ATP1A1: variants seen among roughly 807,000 people sequenced by gnomAD.
ATP1A1 encodes sodium/potassium-transporting ATPase subunit alpha-1.
In ATP1A1, 14 loss-of-function variants were observed where a neutral mutation model predicts 114.8. That is an observed-to-expected ratio of 0.12 (90% CI 0.08 to 0.19). The LOEUF is 0.19. Among genes scored for constraint, ATP1A1 ranks in the 10% least tolerant of loss-of-function variants. ATP1A1 has a pLI of 1.00. For missense variants in ATP1A1, 524 were observed against 1,290.7 expected, an observed-to-expected ratio of 0.41 and a Z score of 9.10; for synonymous variants, 471 against 466.3, an observed-to-expected ratio of 1.01 and a Z score of -0.13.
chr1:116,375,627 A>T (rs1237474671), intron 1 of ATP1A1, among the ~76,000 whole-genome samples: 1 of 152,200 alleles, frequency 6.6e-6, no homozygotes, highest in Non-Finnish European at 1.5e-5. Flanking sequence ...CATTTTGAGT[A>T]TTCTGATACA....
At position 116,404,604 on chromosome 1, in the gene ATP1A1, T is replaced by G; in HGVS notation, c.*160T>G. On this transcript the variant is annotated 3_prime_UTR_variant, in exon 23 of 23. Coordinates refer to ENST00000295598, the MANE Select transcript of ATP1A1 (RefSeq NM_000701.8). The surrounding 1 kb of genome is among the most constrained non-coding windows in gnomAD (Gnocchi z 4.8). ...GACGTCCTGGAATGAAGCATGTAGCTCTATGGGGGGAGGGGGGAGGGCTGC... is the reference window on the plus strand; with the variant it reads ...GACGTCCTGGAATGAAGCATGTAGCGCTATGGGGGGAGGGGGGAGGGCTGC... 2 of 1,081,796 alleles carry G rather than the reference T, an allele frequency of 1.8e-6. No individual in the cohort carries two copies. The highest frequency in any genetic ancestry group is 1.2e-6 in the Non-Finnish European group (1 of 830,090). The allele number at this position is 1,081,796 out of a possible 1,614,324, so 67.0% of individuals were successfully genotyped here. A position where few individuals can be genotyped will look rare whatever the true frequency, so the allele number is the denominator to read the frequency against.
intron 10 of ATP1A1, 53 bp downstream of exon 10, chr1:116,390,944 C>A: frequency 6.7e-7 from 1 of 1,483,538 alleles, no homozygotes; most frequent in Non-Finnish European, 9.4e-7. Context: ...TGAGAACTGC[C>A]ATTTGAGTGT....
In ATP1A1 at chr1:116,397,505, A is replaced by G. The variant is rs1010964002; in HGVS notation, c.1974-383A>G. Among the ~76,000 whole-genome samples, 1 of 151,810 alleles carries G rather than the reference A, an allele frequency of 6.6e-6. No individual in the cohort carries two copies. The highest frequency in any genetic ancestry group is 6.6e-5 in the Admixed American group (1 of 15,250). On this transcript the variant is annotated intron_variant, in intron 14 of 22. Transcript: ENST00000295598. The surrounding 1 kb of genome is among the most constrained non-coding windows in gnomAD (Gnocchi z 4.2). ...CGGCTAATTTTTGAATTTTTAGACC[A>G]CCATTTTGGCAAGCTGGTCTCGAAC...
chr1:116,389,474 C>A lies in ATP1A1; in HGVS notation c.790C>A (p.Arg264Ser). The A allele has an allele frequency of 6.2e-7, 1 of 1,614,178 alleles. No individual in the cohort carries two copies. Among genetic ancestry groups the A allele is most frequent in the African/African-American group, 1.3e-5 (1 of 75,036 alleles). The change falls in exon 8 of 23, where the codon CGC (arginine) becomes AGC (serine). Residue 264 changes from arginine (R) to serine (S), a missense_variant. Physicochemically the swap from Arg to Ser is moderately radical, Grantham distance 110 (BLOSUM62 -1). Coordinates refer to ENST00000295598, the MANE Select transcript of ATP1A1 (RefSeq NM_000701.8). The surrounding 1 kb of genome is among the most constrained non-coding windows in gnomAD (Gnocchi z 6.9). The stretch of plus-strand genomic sequence containing the variant: ...TGGTATTGTTGTCTACACTGGGGAT[C>A]GCACTGTGATGGGAAGAATTGCCAC... ...ARGIVVYTGD[R>S]TVMGRIATLA... is the part of the protein sequence containing the mutation.
chr1:116,391,410 A>G (rs1652465955), intron 10 of ATP1A1, among the ~76,000 whole-genome samples: 1 of 152,218 alleles, frequency 6.6e-6, no homozygotes, highest in Non-Finnish European at 1.5e-5. Context: ...CCAGGCCAAA[A>G]TAAGCCCAGC....
intron 21 of ATP1A1, among the ~76,000 whole-genome samples, chr1:116,402,534 G>T (rs1303451714): frequency 6.6e-6 from 1 of 152,192 alleles, no homozygotes; most frequent in African/African-American, 2.4e-5. Context: ...TTCACTTCCT[G>T]TGGGTTATGT....
Position 116,388,279 on chromosome 1 carries a change from T to G in ATP1A1, c.501+35T>G, listed in dbSNP as rs1169987211. 1 of 1,482,846 alleles carries G rather than the reference T, an allele frequency of 6.7e-7. No individual in the cohort carries two copies. Among genetic ancestry groups the G allele is most frequent in the African/African-American group, 1.4e-5 (1 of 72,196 alleles). The allele number at this position is 1,482,846 out of a possible 1,614,324, so 91.9% of individuals were successfully genotyped here. On this transcript the variant is annotated intron_variant, in intron 5 of 22. Coordinates refer to ENST00000295598, the MANE Select transcript of ATP1A1 (RefSeq NM_000701.8). This position sits in a 1 kb window ranked among gnomAD's most constrained non-coding sequence, Gnocchi z 5.6. ...GCTTTGTCCTTCCCCAGTGGATGAC[T>G]TGACAGCCCCAAGCATGTCAGCCTG...
Position 116,387,440 on chromosome 1 carries a change from C to T in ATP1A1, c.336C>T (p.Phe112=), listed in dbSNP as rs200195666. 4 of 1,614,198 alleles carry T rather than the reference C, an allele frequency of 2.5e-6. No individual in the cohort carries two copies. Among genetic ancestry groups the T allele is most frequent in the East Asian group, 4.5e-5 (2 of 44,882 alleles). The change falls in exon 4 of 23, where the codon TTC becomes TTT. Residue 112 remains phenylalanine, a synonymous_variant. Transcript: ENST00000295598. The surrounding 1 kb of genome is among the most constrained non-coding windows in gnomAD (Gnocchi z 6.7). ...MLLWIGAILC[F]LAYSIQAATE... Reference sequence around the variant, plus strand: ...TGTGGATTGGAGCGATTCTTTGTTTCTTGGCTTATAGCATCCAAGCTGCTA... The same window carrying T: ...TGTGGATTGGAGCGATTCTTTGTTTTTTGGCTTATAGCATCCAAGCTGCTA...
In ATP1A1 at chr1:116,396,584, C is replaced by G. The variant is rs780710025; in HGVS notation, c.1837-14C>G. 1.5e-5 allele frequency: 25 copies of G among 1,612,910 alleles called. No individual in the cohort carries two copies. The highest frequency in any genetic ancestry group is 1.9e-5 in the Non-Finnish European group (23 of 1,179,516). On this transcript the variant is annotated splice_polypyrimidine_tract_variant and intron_variant, in intron 13 of 22. Transcript: ENST00000295598. ...TTGGCAGTTGCATTCAACACATTGT[C>G]TTGTTTATTACAGGTCATCATGGTC...
At position 116,399,903 on chromosome 1, in the gene ATP1A1, C is replaced by A. The variant is rs771055056; in HGVS notation, c.2572+360C>A. 2.0e-5 allele frequency among the ~76,000 whole-genome samples: 3 copies of A among 152,224 alleles called. No homozygotes were observed. Among genetic ancestry groups the A allele is most frequent in the Non-Finnish European group, 4.4e-5 (3 of 68,050 alleles). The stretch of plus-strand genomic sequence containing the variant: ...GCACAGGCTGCTTTCCCTGGAGATA[C>A]ACACTTATCTGTCACTCACTTGGAT... On this transcript the variant is annotated intron_variant, in intron 18 of 22. Coordinates refer to ENST00000295598, the MANE Select transcript of ATP1A1 (RefSeq NM_000701.8). This position sits in a 1 kb window ranked among gnomAD's most constrained non-coding sequence, Gnocchi z 5.0.
Position 116,393,434 on chromosome 1 carries a change from T to C in ATP1A1, c.1468-97T>C. The C allele has an allele frequency of 2.2e-6, 3 of 1,357,876 alleles. No individual in the cohort carries two copies. Among genetic ancestry groups the C allele is most frequent in the South Asian group, 1.5e-5 (1 of 65,826 alleles). The allele number at this position is 1,357,876 out of a possible 1,614,324, so 84.1% of individuals were successfully genotyped here. A position where few individuals can be genotyped will look rare whatever the true frequency, so the allele number is the denominator to read the frequency against. On this transcript the variant is annotated intron_variant, in intron 11 of 22. Coordinates refer to ENST00000295598, the MANE Select transcript of ATP1A1 (RefSeq NM_000701.8). The surrounding 1 kb of genome is among the most constrained non-coding windows in gnomAD (Gnocchi z 5.0). The stretch of plus-strand genomic sequence containing the variant: ...CAGAAAGAAGGGATCTTGGGTCTTT[T>C]ATAGCAAATACTAAATAGTAAGTGA...
rs11540953 is a variant in ATP1A1, at chr1:116,393,560, G to A, written c.1497G>A (p.Ser499=). ...CTATTCATAAGAACCCCAACACATC[G>A]GAGCCCCAACACCTGTTGGTGATGA... The part of the protein sequence containing the change: ...QLSIHKNPNT[S]EPQHLLVMKG... Residue 499 remains serine, a synonymous_variant, in exon 12 of 23, where the codon TCG becomes TCA. Coordinates refer to ENST00000295598, the MANE Select transcript of ATP1A1 (RefSeq NM_000701.8). This position sits in a 1 kb window ranked among gnomAD's most constrained non-coding sequence, Gnocchi z 5.0. 42 of 1,613,684 alleles carry A rather than the reference G, an allele frequency of 2.6e-5. No individual in the cohort carries two copies. The highest frequency in any genetic ancestry group is 3.0e-5 in the Non-Finnish European group (35 of 1,179,868).
Position 116,399,150 on chromosome 1 carries a change from C to T in ATP1A1, c.2448+66C>T, listed in dbSNP as rs1653213906. The T allele has an allele frequency of 3.1e-6, 5 of 1,600,488 alleles. No homozygotes were observed. The Admixed American group carries it at 8.4e-5, about 27-fold the overall frequency. On this transcript the variant is annotated intron_variant, in intron 17 of 22. Transcript: ENST00000295598. The surrounding 1 kb of genome is among the most constrained non-coding windows in gnomAD (Gnocchi z 5.0). ...TGAGCTGTGTCTTCATTCACTGGCA[C>T]TATGCTCCCAGCATCCATGAGGCTG...
intron 9 of ATP1A1, 33 bp downstream of exon 9, chr1:116,390,444 C>T (rs373228264): frequency 2.6e-6 from 4 of 1,568,260 alleles, no homozygotes; most frequent in Non-Finnish European, 3.5e-6. Flanking sequence ...CCTCAGCCAC[C>T]TGCTGACTTC....
chr1:116,398,594 T>C lies in ATP1A1; in HGVS notation c.2125-27T>C, dbSNP rs151085198. 6.0e-4 allele frequency: 965 copies of C among 1,609,224 alleles called. 9 individuals carry two copies. The African/African-American group carries it at 0.011, about 19-fold the overall frequency. On this transcript the variant is annotated intron_variant, in intron 15 of 22. Transcript: ENST00000295598. The surrounding 1 kb of genome is among the most constrained non-coding windows in gnomAD (Gnocchi z 6.1). ...CATCGCTAGGAAAAGTGATTGGTAT[T>C]AACCCGTTTTCCCTTTTCTGGGGTA... is the stretch of plus-strand genomic sequence containing the variant.
chr1:116,390,405 CAG>C lies in ATP1A1; in HGVS notation c.1219_1220del (p.Ser407TrpfsTer5), dbSNP rs1418729641. On this transcript the variant is annotated frameshift_variant, in exon 9 of 23. Transcript: ENST00000295598. LOFTEE classifies it high-confidence loss of function. ...CCATGAAGCTGATACGACAGAGAAT[CAG>C]AGTGGTAAGGCCAGGGTTACCACAC... is the stretch of plus-strand genomic sequence containing the variant. ...QIHEADTTEN[Q>X]SGVSFDKTSA... 1 of 1,613,944 alleles carries C rather than the reference CAG, an allele frequency of 6.2e-7. No homozygotes were observed. The highest frequency in any genetic ancestry group is 8.5e-7 in the Non-Finnish European group (1 of 1,180,012).
chr1:116,376,932 A>G (rs971250428), intron 1 of ATP1A1, among the ~76,000 whole-genome samples: 3 of 152,246 alleles, frequency 2.0e-5, no homozygotes, highest in African/African-American at 4.8e-5. Context: ...TTATAGCACA[A>G]TAGGCTTGGC....
intron 1 of ATP1A1, among the ~76,000 whole-genome samples, chr1:116,374,982 G>C (rs1301752096): frequency 6.6e-6 from 1 of 152,196 alleles, no homozygotes; most frequent in African/African-American, 2.4e-5. Flanking sequence ...GTCCAGGTCA[G>C]GTGGCATCAA....
chr1:116,400,943 C>G lies in ATP1A1; in HGVS notation c.2655C>G (p.Gly885=), dbSNP rs1279984036. The change falls in exon 19 of 23, where the codon GGC becomes GGG. Residue 885 remains glycine (G), a synonymous_variant. Coordinates refer to ENST00000295598, the MANE Select transcript of ATP1A1 (RefSeq NM_000701.8). ...GCTTCCTCCCAATTCACCTGTTGGG[C>G]CTCCGAGTGGACTGGGATGACCGCT... ...ENGFLPIHLL[G]LRVDWDDRWI... is the part of the protein sequence containing the mutation. The G allele has an allele frequency of 6.2e-7, 1 of 1,614,080 alleles. No homozygotes were observed. Among genetic ancestry groups the G allele is most frequent in the East Asian group, 2.2e-5 (1 of 44,902 alleles).
Sources: allele counts gnomAD v4.1 joint callset (sites outside exome capture counted in the v4.1 genomes callset), GRCh38; gene constraint gnomAD v4.1.1; non-coding constraint Gnocchi (gnomAD v3.1); transcripts MANE v1.5; gene names NCBI Gene and HGNC (gene_info 2026-07-23, HGNC 2026-07-21).